The following VPS13B variants were observed in gnomAD, a reference collection of about 807,000 sequenced individuals.
VPS13B encodes vacuolar protein sorting 13 homolog B.
In VPS13B, 285 loss-of-function variants were observed where a neutral mutation model predicts 426.4. That is an observed-to-expected ratio of 0.67 (90% CI 0.61 to 0.74). The LOEUF is 0.74. Among genes scored for constraint, VPS13B ranks in the 30% least tolerant of loss-of-function variants. The pLI, the probability that VPS13B is intolerant of heterozygous loss-of-function variation, is 0.00. For missense variants in VPS13B, 4,537 were observed against 4,782.6 expected (o/e 0.95, Z 1.51); for synonymous variants, 1,676 against 1,676.4 (o/e 1.00, Z 0.01).
At chr8:99,640,420 C>T (rs1213830987) in intron 33 of VPS13B, among the ~76,000 whole-genome samples, 1 of 151,952 alleles carries the variant, frequency 6.6e-6, no homozygotes, top group East Asian at 1.9e-4. Context: ...GGGCACACCA[C>T]CAGGCCTGGC....
intron 30 of VPS13B, among the ~76,000 whole-genome samples, chr8:99,531,533 T>C (rs1266922950): frequency 2.6e-5 from 4 of 152,174 alleles, no homozygotes; most frequent in African/African-American, 7.2e-5. Flanking sequence ...GAAAAAGAGA[T>C]GTTAAAACTT....
chr8:99,688,163 G>T (rs1261686594), intron 35 of VPS13B, among the ~76,000 whole-genome samples: 1 of 143,984 alleles, frequency 6.9e-6, no homozygotes, highest in Non-Finnish European at 1.5e-5. Flanking sequence ...TATCTGAGGA[G>T]CTTGTTCTTT....
In VPS13B at chr8:99,147,978, G is replaced by A. The variant is rs149334616; in HGVS notation, c.1981G>A (p.Asp661Asn). Residue 661 changes from aspartate to asparagine, a missense_variant, in exon 14 of 62, where the codon GAC (aspartate) becomes AAC (asparagine). This residue lies in a region of VPS13B where 4,311 missense variants were observed against 4,474.3 expected (regional missense o/e 0.96). Transcript: ENST00000357162. Reference protein sequence around the residue: ...TISMAEFNLLDHLLPVIMGEK... With the variant: ...TISMAEFNLLNHLLPVIMGEK... The stretch of plus-strand genomic sequence containing the variant: ...TTCCATGGCTGAATTCAACTTGCTG[G>A]ACCATTTACTACCTGTCATTATGGG... 6.5e-4 allele frequency: 1,055 copies of A among 1,613,192 alleles called. No individual in the cohort carries two copies. Among genetic ancestry groups the A allele is most frequent in the Admixed American group, 8.2e-4 (49 of 59,986 alleles).
intron 3 of VPS13B, chr8:99,092,097 C>A (rs1299137822): frequency 6.6e-6 from 1 of 152,126 alleles, no homozygotes; most frequent in African/African-American, 2.4e-5. Context: ...AGTTGACAAA[C>A]CCTGTGAGGG....
At chr8:99,101,939 G>T (rs2132450460) in intron 4 of VPS13B, among the ~76,000 whole-genome samples, 1 of 152,226 alleles carries the variant, frequency 6.6e-6, no homozygotes, top group South Asian at 2.1e-4. Context: ...TTTAATAGTG[G>T]AAATGCATTA....
chr8:99,857,876 T>G (rs1816633130), intron 56 of VPS13B, among the ~76,000 whole-genome samples: 1 of 152,184 alleles, frequency 6.6e-6, no homozygotes, highest in South Asian at 2.1e-4. Flanking sequence ...ATCTTTATCT[T>G]CCAGAAATTA....
chr8:99,360,763 C>G (rs1188171599), intron 19 of VPS13B, among the ~76,000 whole-genome samples: 1 of 152,020 alleles, frequency 6.6e-6, no homozygotes, highest in Non-Finnish European at 1.5e-5. Flanking sequence ...GTGCCACTGA[C>G]AGAAGTAAGG....
intron 31 of VPS13B, among the ~76,000 whole-genome samples, chr8:99,566,238 T>C (rs181838808): frequency 3.9e-5 from 6 of 152,304 alleles, no homozygotes; most frequent in Non-Finnish European, 2.9e-5. Context: ...CTGACTGATA[T>C]AGTAGGCACT....
intron 3 of VPS13B, among the ~76,000 whole-genome samples, chr8:99,075,184 G>A (rs529212744): frequency 6.6e-6 from 1 of 152,194 alleles, no homozygotes; most frequent in East Asian, 1.9e-4. Flanking sequence ...CTATTCTTGC[G>A]ATGTTATAAA....
At chr8:99,545,262 A>G (rs1220648427) in intron 30 of VPS13B, among the ~76,000 whole-genome samples, 33 of 152,104 alleles carry the variant, frequency 2.2e-4, no homozygotes, top group Non-Finnish European at 4.4e-5. Flanking sequence ...TATCACTTGT[A>G]GTGTTAAAAT....
intron 21 of VPS13B, among the ~76,000 whole-genome samples, chr8:99,419,372 C>G (rs1816251434): frequency 6.6e-6 from 1 of 152,158 alleles, no homozygotes; most frequent in African/African-American, 2.4e-5. Context: ...ATTACCCAGT[C>G]TCAGTTAGTT....
At chr8:99,843,022 A>C (rs963440549) in intron 54 of VPS13B, among the ~76,000 whole-genome samples, 3 of 151,984 alleles carry the variant, frequency 2.0e-5, no homozygotes, top group Admixed American at 6.5e-5. Context: ...ACATGGTGGC[A>C]AACGCCTGTA....
In VPS13B at chr8:99,745,577, A is replaced by T. The variant is rs974491719; in HGVS notation, c.7051-21197A>T. Among the ~76,000 whole-genome samples the T allele has an allele frequency of 6.6e-5, 10 of 152,150 alleles. No individual in the cohort carries two copies. In the East Asian group the frequency reaches 1.9e-3, roughly 29 times the overall value. On this transcript the variant is annotated intron_variant, in intron 39 of 61. Transcript: ENST00000357162. Reference sequence around the variant, plus strand: ...GGTATGCATGTATAGAAAAGAACATATATAGTGTGTATATATACAGAGAGA... The same window carrying T: ...GGTATGCATGTATAGAAAAGAACATTTATAGTGTGTATATATACAGAGAGA...
At chr8:99,543,625 A>C (rs2133734035) in intron 30 of VPS13B, among the ~76,000 whole-genome samples, 1 of 151,470 alleles carries the variant, frequency 6.6e-6, no homozygotes, top group South Asian at 2.1e-4. Context: ...AGAAAAAAAC[A>C]AACAACCCCA....
intron 33 of VPS13B, among the ~76,000 whole-genome samples, chr8:99,590,514 C>T (rs947061482): frequency 1.1e-4 from 16 of 152,182 alleles, no homozygotes; most frequent in Admixed American, 5.9e-4. Context: ...TAAATGTGTC[C>T]CAGAGATTCT....
chr8:99,671,388 C>T (rs1830711108), intron 35 of VPS13B, among the ~76,000 whole-genome samples: 1 of 152,014 alleles, frequency 6.6e-6, no homozygotes, highest in African/African-American at 2.4e-5. Flanking sequence ...ACATTAACCT[C>T]TTATATAGTT....
chr8:99,659,400 C>T (rs1830139945), intron 34 of VPS13B, among the ~76,000 whole-genome samples: 2 of 152,028 alleles, frequency 1.3e-5, no homozygotes, highest in Admixed American at 6.6e-5. Context: ...TTCATCTTTT[C>T]TGTCATTTGA....
chr8:99,377,758 A>G (rs1813565522), intron 19 of VPS13B, among the ~76,000 whole-genome samples: 2 of 152,176 alleles, frequency 1.3e-5, no homozygotes, highest in South Asian at 2.1e-4. Flanking sequence ...AGGTTCTGTG[A>G]TGCCCCCTGA....
At chr8:99,522,033 AGCG>A (rs1822401363) in intron 30 of VPS13B, among the ~76,000 whole-genome samples, 1 of 152,156 alleles carries the variant, frequency 6.6e-6, no homozygotes, top group Non-Finnish European at 1.5e-5. Context: ...CAGAGCAGAA[AGCG>A]TCTTTAGGAA....
Sources: gnomAD v4.1 joint callset for allele counts (sites outside exome capture counted in the v4.1 genomes callset) on GRCh38, gnomAD v4.1.1 for gene constraint, gnomAD v4.1.1 regional missense constraint, MANE v1.5 for transcripts, NCBI Gene and HGNC (gene_info 2026-07-23, HGNC 2026-07-21) for gene names.